ITPR3: variants seen among roughly 807,000 people sequenced by gnomAD.
The protein encoded by ITPR3 is inositol 1,4,5-trisphosphate receptor type 3.
ITPR3 carries 173 observed loss-of-function variants against 293.2 expected under a neutral mutation model. The observed-to-expected ratio is 0.59, with a 90% confidence interval of 0.52 to 0.67. ITPR3 has a LOEUF of 0.67. ITPR3 is among the 30% of genes least tolerant of loss of function. ITPR3 has a pLI of 0.00. For missense variants in ITPR3, 2,796 were observed against 3,592.1 expected, an observed-to-expected ratio of 0.78 and a Z score of 5.66; for synonymous variants, 1,295 against 1,444.4, an observed-to-expected ratio of 0.90 and a Z score of 2.35.
rs1561885365 is a variant in ITPR3 at position 33,693,544 on chromosome 6, G to C, written c.7625-1G>C. On this transcript the variant is annotated splice_acceptor_variant, in intron 55 of 57. Transcript: ENST00000605930. LOFTEE classifies it high-confidence loss of function. ...TTCATTCCCGCCCTCTGCACCCTCA[G>C]GTCTGGAGAGGGACAAGTTTGATAA... is the stretch of plus-strand genomic sequence containing the variant. 1 of 1,613,940 alleles carries C rather than the reference G, an allele frequency of 6.2e-7. No individual in the cohort carries two copies.
Position 33,691,957 on chromosome 6 carries a change from G to A in ITPR3, c.7458+29G>A, listed in dbSNP as rs1561884377. On this transcript the variant is annotated intron_variant, in intron 54 of 57. Transcript: ENST00000605930. This position sits in a 1 kb window ranked among gnomAD's most constrained non-coding sequence, Gnocchi z 4.9. ...AGCACTCCTGCCCACTCCCAAACCT[G>A]TGGGGCCCAAGCCACTGTCCAGATC... 6.2e-7 allele frequency: 1 copy of A among 1,612,806 alleles called. No individual in the cohort carries two copies.
chr6:33,661,349 G>A (rs1401737007), intron 7 of ITPR3, among the ~76,000 whole-genome samples: 1 of 152,184 alleles, frequency 6.6e-6, no homozygotes, highest in Non-Finnish European at 1.5e-5. Context: ...GGAGGAAGGT[G>A]ATGGAATGAT....
intron 56 of ITPR3, chr6:33,694,698 C>G: frequency 5.4e-6 from 3 of 550,636 alleles, no homozygotes; most frequent in Admixed American, 3.4e-5. Flanking sequence ...CGCTGCCTAA[C>G]GGAAGTCAGC....
In ITPR3 at chr6:33,658,538, T is replaced by G; in HGVS notation, c.370-132T>G. ...TGAATGTGGGTGTCAGCCTGTATGT[T>G]TGTGACAGGTGTCTGACACTATGTG... On this transcript the variant is annotated intron_variant, in intron 4 of 57. Coordinates refer to ENST00000605930, the MANE Select transcript of ITPR3 (RefSeq NM_002224.4). This position sits in a 1 kb window ranked among gnomAD's most constrained non-coding sequence, Gnocchi z 6.1. 1 of 1,084,324 alleles carries G rather than the reference T, an allele frequency of 9.2e-7. No individual in the cohort carries two copies. The highest frequency in any genetic ancestry group is 2.1e-4 in the Middle Eastern group (1 of 4,820). 67.2% of individuals were successfully genotyped at this position (1,084,324 alleles called of 1,614,324 possible).
Position 33,687,452 on chromosome 6 carries a change from G to C in ITPR3, c.6178-26G>C. 1 of 1,596,796 alleles carries C rather than the reference G, an allele frequency of 6.3e-7. No individual in the cohort carries two copies. Among genetic ancestry groups the C allele is most frequent in the Non-Finnish European group, 8.5e-7 (1 of 1,170,634 alleles). ...CCATGTCCCCCAGCCACCACACCCT[G>C]GTGACTGTGCTGCCATTTCCCTCAG... On this transcript the variant is annotated intron_variant, in intron 45 of 57. Transcript: ENST00000605930. The surrounding 1 kb of genome is among the most constrained non-coding windows in gnomAD (Gnocchi z 5.3).
chr6:33,688,686 G>T lies in ITPR3; in HGVS notation c.6599G>T (p.Arg2200Leu). ...SMPLIYWFSR[R>L]MTLWGSISFN... ...CCGCTGATCTACTGGTTCTCCCGCC[G>T]CATGACCCTGTGGGGCAGCATCTCC... Residue 2200 changes from arginine to leucine, a missense_variant, in exon 49 of 58, where the codon CGC becomes CTC. Arg to Leu is a moderately radical substitution (Grantham distance 102, BLOSUM62 -2). Coordinates refer to ENST00000605930, the MANE Select transcript of ITPR3 (RefSeq NM_002224.4). 6.2e-7 allele frequency: 1 copy of T among 1,614,168 alleles called. No individual in the cohort carries two copies. Among genetic ancestry groups the T allele is most frequent in the Non-Finnish European group, 8.5e-7 (1 of 1,180,006 alleles).
chr6:33,695,135 A>G, intron 57 of ITPR3, 50 bp downstream of exon 57: 1 of 1,591,232 alleles, frequency 6.3e-7, no homozygotes, highest in Non-Finnish European at 8.6e-7. Flanking sequence ...ATCCCTGGGC[A>G]GTCCCTGCCT....
intron 1 of ITPR3, among the ~76,000 whole-genome samples, chr6:33,631,612 T>C (rs189461854): frequency 5.3e-5 from 8 of 152,308 alleles, no homozygotes; most frequent in Admixed American, 4.6e-4. Context: ...AGTGGGACCA[T>C]TGAAGCACAG....
chr6:33,695,668 G>C, intron 57 of ITPR3, 44 bp from the exon 58 acceptor site: 1 of 1,596,438 alleles, frequency 6.3e-7, no homozygotes, highest in Non-Finnish European at 8.6e-7. Flanking sequence ...GAGGGAAGGT[G>C]CCAGGCGGCC....
At position 33,680,575 on chromosome 6, in the gene ITPR3, G is replaced by A; in HGVS notation, c.4371G>A (p.Lys1457=). The change falls in exon 33 of 58, where the codon AAG becomes AAA. Residue 1457 remains lysine (K), a synonymous_variant. Coordinates refer to ENST00000605930, the MANE Select transcript of ITPR3 (RefSeq NM_002224.4). ...DMARVCSKRE[K]RVADPTLEKY... is the part of the protein sequence containing the mutation. ...CTCAGGTCTGCAGCAAGCGTGAGAA[G>A]CGCGTGGCTGACCCCACCTTGGAGA... 9 of 1,614,050 alleles carry A rather than the reference G, an allele frequency of 5.6e-6. No individual in the cohort carries two copies. The highest frequency in any genetic ancestry group is 7.6e-6 in the Non-Finnish European group (9 of 1,180,000).
Position 33,669,130 on chromosome 6 carries a change from C to A in ITPR3, c.2163C>A (p.His721Gln). The change falls in exon 18 of 58, where the codon CAC becomes CAA. Residue 721 changes from histidine (H) to glutamine (Q), a missense_variant. By Grantham distance (24) the His-to-Gln change is conservative. Transcript: ENST00000605930. ...LAQEARAGNAHDENVLSYYRY... is the reference protein window; with the variant it reads ...LAQEARAGNAQDENVLSYYRY... ...AGGAGGCGCGGGCCGGCAACGCCCACGACGAGAATGTGCTCAGCTACTACA... is the reference window on the plus strand; with the variant it reads ...AGGAGGCGCGGGCCGGCAACGCCCAAGACGAGAATGTGCTCAGCTACTACA... 1.2e-6 allele frequency: 2 copies of A among 1,613,802 alleles called. No individual in the cohort carries two copies. Among genetic ancestry groups the A allele is most frequent in the Non-Finnish European group, 1.7e-6 (2 of 1,179,924 alleles).
intron 40 of ITPR3, 32 bp downstream of exon 40, chr6:33,685,565 C>T (rs371505288): frequency 3.9e-5 from 63 of 1,602,378 alleles, no homozygotes; most frequent in Admixed American, 1.0e-4. Flanking sequence ...CACGGCGTGA[C>T]GGGGATCCCA....
chr6:33,637,463 T>G (rs1369804459), intron 1 of ITPR3, among the ~76,000 whole-genome samples: 1 of 152,162 alleles, frequency 6.6e-6, no homozygotes, highest in Non-Finnish European at 1.5e-5. Context: ...ACCTGGTTTT[T>G]TGTTTGCTTG....
chr6:33,692,563 T>C lies in ITPR3; in HGVS notation c.7459-165T>C, dbSNP rs1198105481. On this transcript the variant is annotated intron_variant, in intron 54 of 57. Transcript: ENST00000605930. This position sits in a 1 kb window ranked among gnomAD's most constrained non-coding sequence, Gnocchi z 4.2. ...GCAATTCTTGCTCTGTGGAGCCAGG[T>C]TGGGTCCACTCTGCCATCTGATGGC... 6.6e-6 allele frequency among the ~76,000 whole-genome samples: 1 copy of C among 151,958 alleles called. No homozygotes were observed. The highest frequency in any genetic ancestry group is 1.5e-5 in the Non-Finnish European group (1 of 68,002).
intron 1 of ITPR3, among the ~76,000 whole-genome samples, chr6:33,622,169 T>A (rs544988919): frequency 2.6e-5 from 4 of 152,142 alleles, no homozygotes; most frequent in South Asian, 2.1e-4. Flanking sequence ...TCCTCACAGC[T>A]CTCTCCCTGT....
In ITPR3 at chr6:33,638,389, G is replaced by A. The variant is rs77779105; in HGVS notation, c.90-2095G>A. Among the ~76,000 whole-genome samples the A allele has an allele frequency of 0.01, 1,579 of 152,296 alleles. 18 individuals are homozygous for A. The highest frequency in any genetic ancestry group is 0.024 in the African/African-American group (979 of 41,554). On this transcript the variant is annotated intron_variant, in intron 1 of 57. Coordinates refer to ENST00000605930, the MANE Select transcript of ITPR3 (RefSeq NM_002224.4). This position sits in a 1 kb window ranked among gnomAD's most constrained non-coding sequence, Gnocchi z 4.3. Reference sequence around the variant, plus strand: ...TCTCCTTCCAGGAGGAGGTCGTGACGGAGGTGGGGCTGAAAATGGGAACCC... The same window carrying A: ...TCTCCTTCCAGGAGGAGGTCGTGACAGAGGTGGGGCTGAAAATGGGAACCC...
At chr6:33,680,508 G>A (rs1482380545) in intron 32 of ITPR3, 47 bp from the exon 33 acceptor site, 10 of 1,610,156 alleles carry the variant, frequency 6.2e-6, no homozygotes, top group Non-Finnish European at 8.5e-6. Flanking sequence ...TGGGAGTGGA[G>A]GGGCCCCATG....
Position 33,688,744 on chromosome 6 carries a change from T to G in ITPR3, c.6657T>G (p.Ile2219Met), listed in dbSNP as rs1561882179. ...TGGCCGTGTTTATCAACATCATCAT[T>G]GCCTTCTTCTACCCTTACATGGAGG... Reference protein sequence around the residue: ...FNLAVFINIIIAFFYPYMEGA... With the variant: ...FNLAVFINIIMAFFYPYMEGA... The change falls in exon 49 of 58, where the codon ATT becomes ATG. Residue 2219 changes from isoleucine (I) to methionine (M), a missense_variant. By Grantham distance (10) the Ile-to-Met change is conservative (BLOSUM62 1). Transcript: ENST00000605930. 1 of 1,614,186 alleles carries G rather than the reference T, an allele frequency of 6.2e-7. No individual in the cohort carries two copies. Among genetic ancestry groups the G allele is most frequent in the East Asian group, 2.2e-5 (1 of 44,884 alleles).
intron 6 of ITPR3, 129 bp downstream of exon 6, chr6:33,659,248 C>T (rs1384131914): frequency 1.5e-5 from 14 of 943,784 alleles, no homozygotes; most frequent in African/African-American, 6.5e-5. Context: ...CTGGGCCTCA[C>T]GGCTTCTGCA....
Sources: allele counts gnomAD v4.1 joint callset (sites outside exome capture counted in the v4.1 genomes callset), GRCh38; gene constraint gnomAD v4.1.1; non-coding constraint Gnocchi (gnomAD v3.1); transcripts MANE v1.5; gene names NCBI Gene and HGNC (gene_info 2026-07-23, HGNC 2026-07-21).